STIM1: variants seen among roughly 807,000 people sequenced by gnomAD.
The protein encoded by STIM1 is stromal interaction molecule 1.
Under a neutral mutation model 74.7 loss-of-function variants are expected in STIM1, and 25 were observed. The observed-to-expected ratio is 0.33, with a 90% CI of 0.24 to 0.47. The LOEUF (loss-of-function observed/expected upper bound fraction) is 0.47, where lower values mean the gene tolerates loss of function less well. Among genes scored for constraint, STIM1 ranks in the 20% least tolerant of loss-of-function variants. The pLI, the probability that STIM1 is intolerant of heterozygous loss-of-function variation, is 1.00. For missense variants in STIM1, 728 were observed against 920.8 expected (o/e 0.79, Z 2.71); for synonymous variants, 328 against 348.8 (o/e 0.94, Z 0.66).
At chr11:4,026,096 C>T (rs1204931751) in intron 3 of STIM1, among the ~76,000 whole-genome samples, 1 of 152,202 alleles carries the variant, frequency 6.6e-6, no homozygotes, top group African/African-American at 2.4e-5. Context: ...CTACAAAAAG[C>T]ATTTAATATT....
At chr11:3,984,792 T>C (rs1485839072) in intron 2 of STIM1, among the ~76,000 whole-genome samples, 1 of 152,174 alleles carries the variant, frequency 6.6e-6, no homozygotes, top group Non-Finnish European at 1.5e-5. Context: ...ATCTATAAAG[T>C]AATGATGACA....
At chr11:4,088,671 C>A (rs1384427170) in intron 12 of STIM1, 1 of 1,534,760 alleles carries the variant, frequency 6.5e-7, no homozygotes, top group Admixed American at 2.0e-5. Flanking sequence ...GGCCTGTTCA[C>A]TACTTAATTT....
At chr11:3,904,403 G>A (rs2092425181) in intron 1 of STIM1, among the ~76,000 whole-genome samples, 1 of 151,874 alleles carries the variant, frequency 6.6e-6, no homozygotes, top group South Asian at 2.1e-4. Flanking sequence ...CTGGAGTGTT[G>A]GACTACTTGG....
chr11:3,898,034 TG>T (rs1396150958), intron 1 of STIM1, among the ~76,000 whole-genome samples: 1 of 152,242 alleles, frequency 6.6e-6, no homozygotes, highest in Non-Finnish European at 1.5e-5. Flanking sequence ...TACCCAGTAA[TG>T]GGATGGCTGG....
At chr11:4,050,413 A>G (rs934168838) in intron 3 of STIM1, among the ~76,000 whole-genome samples, 1 of 152,186 alleles carries the variant, frequency 6.6e-6, no homozygotes. Context: ...TGATCCTGTT[A>G]TACTACATTA....
chr11:3,895,722 CTTT>C (rs2092107722), intron 1 of STIM1, among the ~76,000 whole-genome samples: 2 of 37,042 alleles, frequency 5.4e-5, no homozygotes, highest in Admixed American at 3.1e-4. Context: ...TTCTTTCTTT[CTTT>C]CTTTCTTTCT....
intron 1 of STIM1, among the ~76,000 whole-genome samples, chr11:3,893,319 A>C (rs1189130498): frequency 6.6e-6 from 1 of 152,262 alleles, no homozygotes; most frequent in Non-Finnish European, 1.5e-5. Context: ...ATGAATTTAA[A>C]TTGCTTTCAG....
At chr11:3,900,746 A>G (rs1266807693) in intron 1 of STIM1, among the ~76,000 whole-genome samples, 1 of 152,178 alleles carries the variant, frequency 6.6e-6, no homozygotes, top group Non-Finnish European at 1.5e-5. Context: ...TGCCTGGCTA[A>G]TATATTTTTT....
intron 1 of STIM1, among the ~76,000 whole-genome samples, chr11:3,904,196 C>CAAAAAAAAAAAAAAAAAAA (rs57908154): frequency 1.9e-4 from 14 of 73,858 alleles, no homozygotes; most frequent in Non-Finnish European, 2.4e-4. Context: ...GACTCTGTCT[C>CAAAAAAAAAAAAAAAAAAA]AAAAAAAAAA....
chr11:4,000,991 G>A (rs1186246751), intron 2 of STIM1, among the ~76,000 whole-genome samples: 16 of 152,060 alleles, frequency 1.1e-4, no homozygotes, highest in African/African-American at 3.1e-4. Flanking sequence ...TATCAGTGAC[G>A]GAAGATGAAA....
At chr11:3,933,857 G>A (rs1282547149) in intron 1 of STIM1, among the ~76,000 whole-genome samples, 1 of 152,170 alleles carries the variant, frequency 6.6e-6, no homozygotes, top group Non-Finnish European at 1.5e-5. Flanking sequence ...GATGGGGATG[G>A]CTCATTAGAA....
At chr11:4,047,403 G>A (rs1346246356) in intron 3 of STIM1, among the ~76,000 whole-genome samples, 1 of 152,068 alleles carries the variant, frequency 6.6e-6, no homozygotes, top group Non-Finnish European at 1.5e-5. Flanking sequence ...ATCACTTGAG[G>A]CCAGGAGTCT....
chr11:3,894,905 ATTTTTTTTTT>A (rs35236633), intron 1 of STIM1, among the ~76,000 whole-genome samples: 3 of 113,234 alleles, frequency 2.6e-5, no homozygotes, highest in African/African-American at 1.1e-4. Flanking sequence ...CGCCTGGCTA[ATTTTTTTTTT>A]TTTTTTTTTT....
chr11:3,938,924 C>A (rs2092970354), intron 1 of STIM1, among the ~76,000 whole-genome samples: 1 of 152,174 alleles, frequency 6.6e-6, no homozygotes, highest in Non-Finnish European at 1.5e-5. Context: ...AGTGGCCATG[C>A]AGTCTGAACC....
Position 3,856,078 on chromosome 11 carries a change from C to G in STIM1, c.-193C>G, listed in dbSNP as rs201287316. 171 of 670,410 alleles carry G rather than the reference C, an allele frequency of 2.6e-4. 2 individuals are homozygous for G. In the South Asian group the frequency reaches 3.0e-3, roughly 12 times the overall value. The allele number at this position is 670,410 out of a possible 1,614,324, so 41.5% of individuals were successfully genotyped here. On this transcript the variant is annotated 5_prime_UTR_variant, in exon 1 of 13. Coordinates refer to ENST00000526596, the MANE Select transcript of STIM1 (RefSeq NM_001382567.1). ...CACTGTTGGACCTGAGGAGCCAGCC[C>G]TCCTCCCGCACCCAAACTTGGAGCA...
chr11:4,043,788 G>A (rs993640839), intron 3 of STIM1, among the ~76,000 whole-genome samples: 5 of 151,902 alleles, frequency 3.3e-5, no homozygotes, highest in Non-Finnish European at 7.4e-5. Context: ...AGGCCAAAGT[G>A]GGCGGATCAC....
rs2093612257 is a variant in STIM1, at chr11:3,991,641, A to G, written c.270+23959A>G. On this transcript the variant is annotated intron_variant, in intron 2 of 12. Coordinates refer to ENST00000526596, the MANE Select transcript of STIM1 (RefSeq NM_001382567.1). ...ATCGAATGGTAGTTCTATTTTTAGTACTCTTAGAAATCTCCAAACTGCTGT... is the reference window on the plus strand; with the variant it reads ...ATCGAATGGTAGTTCTATTTTTAGTGCTCTTAGAAATCTCCAAACTGCTGT... Among the ~76,000 whole-genome samples the G allele has an allele frequency of 2.0e-5, 3 of 151,284 alleles. No individual in the cohort carries two copies. The South Asian group carries it at 6.3e-4, about 32-fold the overall frequency.
chr11:4,091,445 G>A lies in STIM1; in HGVS notation c.1798G>A (p.Val600Met), dbSNP rs527880533. The A allele has an allele frequency of 4.3e-6, 7 of 1,614,194 alleles. No homozygotes were observed. The Admixed American group carries it at 5.0e-5, about 12-fold the overall frequency. ...CGAGGGGGTCCACCCAGGGTCTCTG[G>A]TGGAGAAACTGCCTGACAGCCCTGC... The part of the protein sequence containing the change: ...LIEGVHPGSL[V>M]EKLPDSPALA... The change falls in exon 13 of 13, where the codon GTG (valine) becomes ATG (methionine). Residue 600 changes from valine to methionine, a missense_variant. Physicochemically the swap from Val to Met is conservative, Grantham distance 21 (BLOSUM62 1). Around this residue, in one of 5 missense-constraint regions of STIM1, gnomAD observed 352 missense variants for 370.1 expected, o/e 0.95. Coordinates refer to ENST00000526596, the MANE Select transcript of STIM1 (RefSeq NM_001382567.1).
At chr11:4,058,282 C>T (rs896417593) in intron 4 of STIM1, among the ~76,000 whole-genome samples, 3 of 152,112 alleles carry the variant, frequency 2.0e-5, no homozygotes, top group African/African-American at 7.2e-5. Context: ...AATGAGAAGC[C>T]AGATCTCCTA....
Sources: allele counts gnomAD v4.1 joint callset (sites outside exome capture counted in the v4.1 genomes callset), GRCh38; gene constraint gnomAD v4.1.1; regional missense constraint gnomAD v4.1.1; transcripts MANE v1.5; gene names NCBI Gene and HGNC (gene_info 2026-07-23, HGNC 2026-07-21).